Variants in FRMPD4 observed in about 807,000 individuals in gnomAD.
FRMPD4 encodes the protein FERM and PDZ domain-containing protein 4.
FRMPD4 carries 22 observed loss-of-function variants against 94.1 expected under a neutral mutation model. The observed-to-expected ratio is 0.23, with a 90% CI of 0.17 to 0.33. The LOEUF (loss-of-function observed/expected upper bound fraction) is 0.33. Among genes scored for constraint, FRMPD4 ranks in the 10% least tolerant of loss-of-function variants. The pLI is 1.00. For missense variants in FRMPD4, 1,111 were observed against 1,339.9 expected (o/e 0.83, Z 2.67); for synonymous variants, 631 against 548.6 (o/e 1.15, Z -2.10).
chrX:12,689,454 T>G (rs1475153630), intron 7 of FRMPD4, among the ~76,000 whole-genome samples: 5 of 112,526 alleles, frequency 4.4e-5, no homozygotes, highest in East Asian at 2.8e-4. Context: ...GCATTATTAT[T>G]ATCCCCAGTT....
chrX:12,178,754 G>T (rs941467829), intron 1 of FRMPD4, among the ~76,000 whole-genome samples: 1 of 111,732 alleles, frequency 8.9e-6, no homozygotes, highest in African/African-American at 3.3e-5. Flanking sequence ...AGAAGCATTT[G>T]CAAGGGCAAC....
At chrX:12,086,418 A>C (rs978600777) in intron 3 of FRMPD4, among the ~76,000 whole-genome samples, 1 of 112,214 alleles carries the variant, frequency 8.9e-6, no homozygotes, top group Non-Finnish European at 1.9e-5. Flanking sequence ...ATCTGAAAAA[A>C]TATCGAGGCT....
intron 1 of FRMPD4, among the ~76,000 whole-genome samples, chrX:11,844,815 GAT>G (rs1290216593): frequency 1.8e-5 from 2 of 111,510 alleles, no homozygotes; most frequent in Non-Finnish European, 3.8e-5. Context: ...TTCTCTCTTT[GAT>G]GATTCTGTTA....
At chrX:12,391,474 T>C (rs905735316) in intron 1 of FRMPD4, among the ~76,000 whole-genome samples, 1 of 112,084 alleles carries the variant, frequency 8.9e-6, no homozygotes, top group African/African-American at 3.2e-5. Flanking sequence ...TCACCCTCGC[T>C]GGGACATTAG....
At chrX:12,024,779 A>G (rs1435122717) in intron 3 of FRMPD4, among the ~76,000 whole-genome samples, 3 of 112,150 alleles carry the variant, frequency 2.7e-5, no homozygotes, top group African/African-American at 6.5e-5. Flanking sequence ...TTAAGCTTTT[A>G]AGTAATATCT....
chrX:11,925,103 G>A (rs867962385), intron 3 of FRMPD4, among the ~76,000 whole-genome samples: 3 of 103,847 alleles, frequency 2.9e-5, no homozygotes, highest in African/African-American at 1.1e-4. Flanking sequence ...TGCAATCCTA[G>A]TTTCTGACAA....
At chrX:12,374,273 C>T (rs745732057) in intron 1 of FRMPD4, among the ~76,000 whole-genome samples, 4 of 112,202 alleles carry the variant, frequency 3.6e-5, no homozygotes, top group Non-Finnish European at 7.5e-5. Context: ...TATTATGTTA[C>T]AGAATTTTAG....
chrX:12,554,704 C>T (rs778560885), intron 2 of FRMPD4, among the ~76,000 whole-genome samples: 2 of 111,779 alleles, frequency 1.8e-5, no homozygotes, highest in East Asian at 2.8e-4. Flanking sequence ...CCTCAACCTC[C>T]CAGGGCTCAG....
At chrX:12,537,455 CTT>C (rs1376018517) in intron 2 of FRMPD4, among the ~76,000 whole-genome samples, 1 of 98,633 alleles carries the variant, frequency 1.0e-5, no homozygotes, top group Non-Finnish European at 2.0e-5. Context: ...TTTTTTTTTC[CTT>C]TTTTTTTTTT....
At chrX:12,450,181 A>T (rs949342073) in intron 1 of FRMPD4, among the ~76,000 whole-genome samples, 1 of 111,021 alleles carries the variant, frequency 9.0e-6, no homozygotes, top group African/African-American at 3.3e-5. Flanking sequence ...AATCATAGGG[A>T]TAAAACATCC....
intron 3 of FRMPD4, among the ~76,000 whole-genome samples, chrX:11,929,113 G>A (rs370538815): frequency 5.4e-4 from 61 of 112,292 alleles, no homozygotes; most frequent in Admixed American, 1.2e-3. Flanking sequence ...AGGGTGGAGC[G>A]TGGGAGGAAG....
chrX:12,057,094 A>G (rs2054858634), intron 3 of FRMPD4, among the ~76,000 whole-genome samples: 1 of 112,178 alleles, frequency 8.9e-6, no homozygotes, highest in South Asian at 3.6e-4. Context: ...TGTTTACATA[A>G]TAAAGATAGG....
chrX:11,968,781 G>A (rs1362908521), intron 3 of FRMPD4, among the ~76,000 whole-genome samples: 1 of 111,917 alleles, frequency 8.9e-6, no homozygotes, highest in African/African-American at 3.2e-5. Context: ...GCCATACAGG[G>A]TCATTCTCAG....
intron 3 of FRMPD4, among the ~76,000 whole-genome samples, chrX:12,065,474 C>T (rs879199430): frequency 6.2e-5 from 7 of 112,031 alleles, no homozygotes; most frequent in Admixed American, 5.7e-4. Context: ...CGCAGGCGTT[C>T]GGGCTGGCTG....
intron 1 of FRMPD4, among the ~76,000 whole-genome samples, chrX:12,384,190 C>T (rs895530461): frequency 8.1e-5 from 9 of 111,616 alleles, no homozygotes; most frequent in East Asian, 2.8e-4. Flanking sequence ...AATTTGACCT[C>T]GAACTAATAT....
intron 2 of FRMPD4, among the ~76,000 whole-genome samples, chrX:12,532,184 T>C (rs1350790736): frequency 8.9e-6 from 1 of 112,246 alleles, no homozygotes; most frequent in African/African-American, 3.2e-5. Flanking sequence ...GCTGAACAAT[T>C]GCATGACCTT....
At chrX:11,892,143 T>G (rs1203599250) in intron 3 of FRMPD4, among the ~76,000 whole-genome samples, 3 of 112,130 alleles carry the variant, frequency 2.7e-5, no homozygotes, top group African/African-American at 9.7e-5. Flanking sequence ...ATTTTTCAAG[T>G]GCTGTTTAGT....
intron 1 of FRMPD4, among the ~76,000 whole-genome samples, chrX:12,388,794 C>T (rs984358881): frequency 7.2e-5 from 6 of 83,420 alleles, no homozygotes; most frequent in African/African-American, 2.5e-4. Context: ...TGTCCATCAA[C>T]GGATGAATGG....
At chrX:12,019,167 A>AT (rs201291254) in intron 3 of FRMPD4, among the ~76,000 whole-genome samples, 3,357 of 100,575 alleles carry the variant, frequency 0.033, 57 homozygotes, top group African/African-American at 0.041. Flanking sequence ...TTGTTTAGAG[A>AT]TTTTTTTTTT....
Sources: allele counts gnomAD v4.1 joint callset (sites outside exome capture counted in the v4.1 genomes callset), GRCh38; gene constraint gnomAD v4.1.1; transcripts MANE v1.5; gene names NCBI Gene and HGNC (gene_info 2026-07-23, HGNC 2026-07-21).